Variants in STMN3 observed in about 807,000 individuals in gnomAD.
STMN3 encodes stathmin 3, also known as stathmin-3.
A neutral mutation model predicts 23.2 loss-of-function variants in STMN3; 24 were observed. The observed-to-expected ratio is 1.03, with a 90% CI of 0.75 to 1.45. The LOEUF is 1.45. Ranked by LOEUF, STMN3 falls within the 40% of genes most tolerant of loss-of-function variation. The pLI is 0.00. For missense variants in STMN3, 235 were observed against 237.6 expected (o/e 0.99, Z 0.07); for synonymous variants, 117 against 103.4 (o/e 1.13, Z -0.80).
At position 63,641,172 on chromosome 20, in the gene STMN3, TC is replaced by T. The variant is rs1242696249; in HGVS notation, c.*165del. ...TGCAGGGGAAGCCGTGGTCAGCGAC[TC>T]ACCACGAGGACAGGGCAGGGCGGCT... On this transcript the variant is annotated 3_prime_UTR_variant, in exon 5 of 5. Transcript: ENST00000370053. The T allele has an allele frequency of 4.3e-6, 3 of 691,460 alleles. No homozygotes were observed. Among genetic ancestry groups the T allele is most frequent in the Non-Finnish European group, 7.8e-6 (3 of 386,122 alleles). The allele number at this position is 691,460 out of a possible 1,614,324, so 42.8% of individuals were successfully genotyped here.
In STMN3 at chr20:63,642,174, C is replaced by T. The variant is rs774487354; in HGVS notation, c.417G>A (p.Lys139=). 3 of 1,557,568 alleles carry T rather than the reference C, an allele frequency of 1.9e-6. No individual in the cohort carries two copies. Among genetic ancestry groups the T allele is most frequent in the African/African-American group, 2.9e-5 (2 of 69,930 alleles). ...CGCGGATCTCCTTGCTGAGCTCCAT[C>T]TTGTAGTTGAGCTTCTCCTCCGCCT... ...SRQAEEKLNY[K]MELSKEIREA... Residue 139 remains lysine (K), a synonymous_variant, in exon 4 of 5, where the codon AAG becomes AAA. Transcript: ENST00000370053.
chr20:63,649,535 T>TC (rs2089841360), intron 1 of STMN3, among the ~76,000 whole-genome samples: 1 of 151,942 alleles, frequency 6.6e-6, no homozygotes, highest in Admixed American at 6.6e-5. Flanking sequence ...TCTCTCTCTC[T>TC]TTTTGTTTTT....
intron 1 of STMN3, 25 bp downstream of exon 1, chr20:63,653,302 C>T (rs2089875414): frequency 1.3e-6 from 2 of 1,545,402 alleles, no homozygotes; most frequent in African/African-American, 2.8e-5. Context: ...CGCCGCCCCA[C>T]AAAGCCCGTG....
At chr20:63,643,992 C>G in intron 2 of STMN3, 61 bp from the exon 3 acceptor site, 1 of 1,570,026 alleles carries the variant, frequency 6.4e-7, no homozygotes. Flanking sequence ...GTGGGCTGAG[C>G]GGGATGCTCC....
At chr20:63,651,842 G>C (rs1007697699) in intron 1 of STMN3, among the ~76,000 whole-genome samples, 1 of 152,192 alleles carries the variant, frequency 6.6e-6, no homozygotes, top group African/African-American at 2.4e-5. Context: ...AAAAGAGCGA[G>C]GAGCCAGTGC....
intron 1 of STMN3, 63 bp downstream of exon 1, chr20:63,653,262 CGA>C: frequency 6.6e-7 from 1 of 1,520,296 alleles, no homozygotes; most frequent in South Asian, 1.2e-5. Context: ...CTGCCCCAGG[CGA>C]GGCCAGACGA....
Position 63,641,267 on chromosome 20 carries a change from A to T in STMN3, c.*71T>A. The T allele has an allele frequency of 7.1e-7, 1 of 1,400,090 alleles. No homozygotes were observed. Among genetic ancestry groups the T allele is most frequent in the Non-Finnish European group, 9.9e-7 (1 of 1,012,358 alleles). 86.7% of individuals were successfully genotyped at this position (1,400,090 alleles called of 1,614,324 possible). ...GGAGGAACAAAAGTTGCATCTAGAC[A>T]GAGGTGAACGAAACAAAACCAAAAC... is the stretch of plus-strand genomic sequence containing the variant. On this transcript the variant is annotated 3_prime_UTR_variant, in exon 5 of 5. Coordinates refer to ENST00000370053, the MANE Select transcript of STMN3 (RefSeq NM_015894.4).
At chr20:63,641,421 C>G in intron 4 of STMN3, 24 bp from the exon 5 acceptor site, 1 of 1,553,926 alleles carries the variant, frequency 6.4e-7, no homozygotes, top group South Asian at 1.2e-5. Context: ...GGCGGGAGGG[C>G]CTGAGGGCGG....
intron 1 of STMN3, among the ~76,000 whole-genome samples, chr20:63,644,684 G>A (rs2089795849): frequency 6.6e-6 from 1 of 152,108 alleles, no homozygotes. Context: ...TAACCCCAAG[G>A]TGCCGGTGTG....
intron 1 of STMN3, among the ~76,000 whole-genome samples, chr20:63,647,302 C>CAA (rs60956194): frequency 3.7e-4 from 41 of 112,268 alleles, no homozygotes; most frequent in African/African-American, 6.9e-4. Flanking sequence ...ACTCCCGTCT[C>CAA]AAAAAAAAAA....
intron 1 of STMN3, among the ~76,000 whole-genome samples, chr20:63,649,219 G>A (rs1243833531): frequency 5.3e-5 from 8 of 152,156 alleles, no homozygotes; most frequent in Non-Finnish European, 8.8e-5. Context: ...GCCTGGGAGT[G>A]AGGCCTGCCC....
chr20:63,641,453 G>A, intron 4 of STMN3, 56 bp from the exon 5 acceptor site: 1 of 1,453,928 alleles, frequency 6.9e-7, no homozygotes, highest in Non-Finnish European at 9.4e-7. Flanking sequence ...GGCGACTCCG[G>A]GAACCCCCAG....
rs2089865095 is a variant in STMN3 at position 63,652,190 on chromosome 20, T to G, written c.19+1137A>C. The G allele has an allele frequency of 6.6e-6, 1 of 151,938 alleles. No homozygotes were observed. Among genetic ancestry groups the G allele is most frequent in the Non-Finnish European group, 1.5e-5 (1 of 68,032 alleles). The allele number at this position is 151,938 out of a possible 1,614,324, so 9.4% of individuals were successfully genotyped here. On this transcript the variant is annotated intron_variant, in intron 1 of 4. Coordinates refer to ENST00000370053, the MANE Select transcript of STMN3 (RefSeq NM_015894.4). The surrounding 1 kb of genome is among the most constrained non-coding windows in gnomAD (Gnocchi z 5.3). ...GTGGGGCCTGAGGGGCGGGGTCAGGTCGGGCACGCGTGGGTGGGCGGAGTT... is the reference window on the plus strand; with the variant it reads ...GTGGGGCCTGAGGGGCGGGGTCAGGGCGGGCACGCGTGGGTGGGCGGAGTT...
chr20:63,645,620 T>G (rs1424790583), intron 1 of STMN3, among the ~76,000 whole-genome samples: 2 of 152,214 alleles, frequency 1.3e-5, no homozygotes, highest in Non-Finnish European at 2.9e-5. Flanking sequence ...ACCTCATTCC[T>G]AAGCAGACAC....
At position 63,639,776 on chromosome 20, in the gene STMN3, G is replaced by A. The variant is rs1601051077; in HGVS notation, c.*1562C>T. ...TGAATTTTTAAGTTCACTTTACTAC[G>A]TGGATGAGATGGGTGCATATTACAG... is the stretch of plus-strand genomic sequence containing the variant. On this transcript the variant is annotated 3_prime_UTR_variant, in exon 5 of 5. Transcript: ENST00000370053. The A allele has an allele frequency of 1.3e-5, 2 of 152,496 alleles. No homozygotes were observed. Among genetic ancestry groups the A allele is most frequent in the Admixed American group, 6.5e-5 (1 of 15,298 alleles). The allele number at this position is 152,496 out of a possible 1,614,324, so 9.4% of individuals were successfully genotyped here. A position where few individuals can be genotyped will look rare whatever the true frequency, so the allele number is the denominator to read the frequency against.
At chr20:63,648,639 G>A (rs1232921540) in intron 1 of STMN3, among the ~76,000 whole-genome samples, 1 of 152,180 alleles carries the variant, frequency 6.6e-6, no homozygotes, top group Non-Finnish European at 1.5e-5. Context: ...AGGAGGCTGA[G>A]GCAGGAGAAT....
rs1294919263 is a variant in STMN3, at chr20:63,640,184, G to C, written c.*1154C>G. ...GGATGGGGCTTCCGTGGAGAAGTGG[G>C]GGATGCTGCAGTGGTACAAAGACAG... On this transcript the variant is annotated 3_prime_UTR_variant, in exon 5 of 5. Transcript: ENST00000370053. 1 of 152,706 alleles carries C rather than the reference G, an allele frequency of 6.5e-6. No homozygotes were observed. Among genetic ancestry groups the C allele is most frequent in the Admixed American group, 6.5e-5 (1 of 15,276 alleles). The allele number at this position is 152,706 out of a possible 1,614,324, so 9.5% of individuals were successfully genotyped here. A position where few individuals can be genotyped will look rare whatever the true frequency, so the allele number is the denominator to read the frequency against.
chr20:63,642,045 TTCGCCCCGGCC>T (rs1486310659), intron 4 of STMN3, 52 bp downstream of exon 4: 1 of 893,964 alleles, frequency 1.1e-6, no homozygotes, highest in Admixed American at 1.0e-4. Context: ...CGCTCCGAGC[TTCGCCCCGGCC>T]CCGCCCCGGC....
chr20:63,647,840 G>GTA (rs1172894376), intron 1 of STMN3, among the ~76,000 whole-genome samples: 1 of 116,278 alleles, frequency 8.6e-6, no homozygotes, highest in African/African-American at 3.1e-5. Flanking sequence ...ACGTATATAT[G>GTA]TATATATTAA....
Sources: gnomAD v4.1 joint callset for allele counts (sites outside exome capture counted in the v4.1 genomes callset) on GRCh38, gnomAD v4.1.1 for gene constraint, Gnocchi (gnomAD v3.1) non-coding constraint, MANE v1.5 for transcripts, NCBI Gene and HGNC (gene_info 2026-07-23, HGNC 2026-07-21) for gene names.